The following FHIT variants were observed in gnomAD, a reference collection of about 807,000 sequenced individuals.
The protein encoded by FHIT is bis(5'-adenosyl)-triphosphatase.
A neutral mutation model predicts 17.9 loss-of-function variants in FHIT; 19 were observed. The ratio of observed to expected loss-of-function variants is 1.06; its 90% CI spans 0.74 to 1.56. The LOEUF (loss-of-function observed/expected upper bound fraction) is 1.56. Among genes scored for constraint, FHIT ranks in the 40% most tolerant of loss-of-function variants. The probability of loss-of-function intolerance (pLI) is 0.00; values close to 1 mark genes in which losing one functional copy is unlikely to be tolerated. For synonymous variants in FHIT, 81 were observed against 69.7 expected, an observed-to-expected ratio of 1.16 and a Z score of -0.81; for missense variants, 248 against 189.2, an observed-to-expected ratio of 1.31 and a Z score of -1.82.
At chr3:60,754,778 T>C (rs782521897) in intron 4 of FHIT, among the ~76,000 whole-genome samples, 3 of 152,172 alleles carry the variant, frequency 2.0e-5, no homozygotes, top group Admixed American at 1.3e-4. Flanking sequence ...TCTACACTCA[T>C]AGGCACACAC....
intron 3 of FHIT, among the ~76,000 whole-genome samples, chr3:60,885,678 C>A (rs1705191162): frequency 6.6e-6 from 1 of 152,134 alleles, no homozygotes; most frequent in Non-Finnish European, 1.5e-5. Flanking sequence ...GTCACTTTGG[C>A]CTTTTTTCCT....
chr3:59,914,167 G>T (rs1465734709), intron 8 of FHIT, among the ~76,000 whole-genome samples: 1 of 151,872 alleles, frequency 6.6e-6, no homozygotes, highest in African/African-American at 2.4e-5. Flanking sequence ...ATTTCAACAT[G>T]TAACTATTAT....
chr3:60,051,863 A>G (rs1166615308), intron 5 of FHIT, among the ~76,000 whole-genome samples: 1 of 152,064 alleles, frequency 6.6e-6, no homozygotes, highest in African/African-American at 2.4e-5. Context: ...AAACAAAACA[A>G]CTGCCTAATC....
intron 4 of FHIT, among the ~76,000 whole-genome samples, chr3:60,607,060 A>G (rs1553671494): frequency 6.6e-6 from 1 of 152,122 alleles, no homozygotes; most frequent in Admixed American, 6.6e-5. Context: ...AATTCAAGCT[A>G]AAGCCGGGTT....
intron 5 of FHIT, among the ~76,000 whole-genome samples, chr3:60,079,389 G>A (rs946956426): frequency 5.3e-5 from 8 of 152,074 alleles, no homozygotes; most frequent in South Asian, 4.1e-4. Flanking sequence ...GAAAGCAATC[G>A]TGGGTGGGGG....
Position 61,114,526 on chromosome 3 carries a change from T to C in FHIT, c.-163-72427A>G, listed in dbSNP as rs184771578. 1.6e-3 allele frequency among the ~76,000 whole-genome samples: 243 copies of C among 152,236 alleles called. 2 individuals are homozygous for C. Among genetic ancestry groups the C allele is most frequent in the African/African-American group, 5.4e-3 (223 of 41,554 alleles). On this transcript the variant is annotated intron_variant, in intron 2 of 9. Transcript: ENST00000492590. ...AAATAGGATTAGTAATACTATCTAC[T>C]TCACATAAGTGCTTGGCATAGAATC... is the stretch of plus-strand genomic sequence containing the variant.
At chr3:59,847,700 A>G (rs1701772350) in intron 8 of FHIT, among the ~76,000 whole-genome samples, 1 of 152,104 alleles carries the variant, frequency 6.6e-6, no homozygotes, top group South Asian at 2.1e-4. Flanking sequence ...GAATAATATG[A>G]TAATTCTTGA....
At chr3:59,866,681 C>G (rs1702666788) in intron 8 of FHIT, among the ~76,000 whole-genome samples, 1 of 152,018 alleles carries the variant, frequency 6.6e-6, no homozygotes, top group Non-Finnish European at 1.5e-5. Flanking sequence ...AAATCACTAA[C>G]CAGAATTTGA....
chr3:60,209,952 G>A (rs1703372957), intron 5 of FHIT, among the ~76,000 whole-genome samples: 2 of 152,066 alleles, frequency 1.3e-5, no homozygotes, highest in Non-Finnish European at 2.9e-5. Flanking sequence ...GGGTGTGTGG[G>A]GAGGGAACCT....
chr3:60,102,621 A>AT (rs1489874623), intron 5 of FHIT, among the ~76,000 whole-genome samples: 1 of 150,986 alleles, frequency 6.6e-6, no homozygotes. Context: ...TTAAATAAGA[A>AT]TAAAAAAAAA....
chr3:61,244,239 T>C (rs546782097), intron 1 of FHIT: 23 of 152,266 alleles, frequency 1.5e-4, no homozygotes, highest in Admixed American at 1.0e-3. Flanking sequence ...GTTATCTGGA[T>C]GGGACCAGCC....
chr3:59,967,301 T>C lies in FHIT; in HGVS notation c.279+44070A>G, dbSNP rs565257093. On this transcript the variant is annotated intron_variant, in intron 7 of 9. Coordinates refer to ENST00000492590, the MANE Select transcript of FHIT (RefSeq NM_002012.4). ...AAAATAACAATAAAAAAGTATAGTA[T>C]AGTAAGGGTACAAACTAGTAACATA... Among the ~76,000 whole-genome samples, 4 of 152,310 alleles carry C rather than the reference T, an allele frequency of 2.6e-5. No individual in the cohort carries two copies. The East Asian group carries it at 5.8e-4, about 22-fold the overall frequency.
At chr3:59,990,992 C>G (rs651680) in intron 7 of FHIT, among the ~76,000 whole-genome samples, 1 of 152,024 alleles carries the variant, frequency 6.6e-6, no homozygotes, top group African/African-American at 2.4e-5. Flanking sequence ...GTTGTCTATC[C>G]TAGAGACAAC....
In FHIT at chr3:60,618,948, AG is replaced by A. The variant is rs368366950; in HGVS notation, c.-17-81970del. On this transcript the variant is annotated intron_variant, in intron 4 of 9. Transcript: ENST00000492590. ...GCCAATGAAACAGAATCTCCCCTAAAGGCCCCAAAAAGGAATGCAGTACGGC... is the reference window on the plus strand; with the variant it reads ...GCCAATGAAACAGAATCTCCCCTAAAGCCCCAAAAAGGAATGCAGTACGGC... Among the ~76,000 whole-genome samples, 831 of 152,294 alleles carry A rather than the reference AG, an allele frequency of 5.5e-3. 5 individuals carry two copies. The highest frequency in any genetic ancestry group is 0.019 in the African/African-American group (775 of 41,560).
intron 4 of FHIT, among the ~76,000 whole-genome samples, chr3:60,661,785 G>T (rs556754242): frequency 2.0e-5 from 3 of 152,102 alleles, no homozygotes; most frequent in African/African-American, 7.2e-5. Flanking sequence ...GTTTTGACTC[G>T]CATGTTCCTA....
At chr3:59,989,701 G>A (rs56045349) in intron 7 of FHIT, among the ~76,000 whole-genome samples, 14,295 of 151,950 alleles carry the variant, frequency 0.094, 861 homozygotes, top group Admixed American at 0.13. Flanking sequence ...GTCTTCATAG[G>A]GAGTCATTCT....
At chr3:60,745,285 G>A (rs535122477) in intron 4 of FHIT, among the ~76,000 whole-genome samples, 1 of 152,070 alleles carries the variant, frequency 6.6e-6, no homozygotes, top group Non-Finnish European at 1.5e-5. Context: ...TTAAAGCCAG[G>A]GGAAAAGCAT....
intron 8 of FHIT, among the ~76,000 whole-genome samples, chr3:59,817,057 A>T (rs1330482852): frequency 6.6e-6 from 1 of 152,222 alleles, no homozygotes; most frequent in Non-Finnish European, 1.5e-5. Flanking sequence ...CTAACTCCAG[A>T]TACAGGCTGT....
intron 5 of FHIT, among the ~76,000 whole-genome samples, chr3:60,310,461 A>C (rs1481968833): frequency 6.6e-6 from 1 of 152,170 alleles, no homozygotes; most frequent in Non-Finnish European, 1.5e-5. Context: ...GGAGACAGAC[A>C]ATCAATGATA....
Sources: allele counts gnomAD v4.1 joint callset (sites outside exome capture counted in the v4.1 genomes callset), GRCh38; gene constraint gnomAD v4.1.1; transcripts MANE v1.5; gene names NCBI Gene and HGNC (gene_info 2026-07-23, HGNC 2026-07-21).